ZDHHC14: variants seen among roughly 807,000 people sequenced by gnomAD.
ZDHHC14 encodes palmitoyltransferase ZDHHC14.
Under a neutral mutation model 47.7 loss-of-function variants are expected in ZDHHC14, and 16 were observed. The observed-to-expected ratio is 0.34, with a 90% CI of 0.23 to 0.51. ZDHHC14 has a LOEUF of 0.51. Among genes scored for constraint, ZDHHC14 ranks in the 20% least tolerant of loss-of-function variants. ZDHHC14 has a pLI of 0.97. For synonymous variants in ZDHHC14, 293 were observed against 278.9 expected (o/e 1.05, Z -0.50); for missense variants, 515 against 662.5 (o/e 0.78, Z 2.44).
intron 2 of ZDHHC14, among the ~76,000 whole-genome samples, chr6:157,588,498 G>A (rs1562494258): frequency 6.6e-6 from 1 of 152,134 alleles, no homozygotes; most frequent in Non-Finnish European, 1.5e-5. Context: ...AGACTGCAGG[G>A]AGGGGCATTC....
chr6:157,503,326 T>G (rs1410441073), intron 1 of ZDHHC14, among the ~76,000 whole-genome samples: 1 of 152,174 alleles, frequency 6.6e-6, no homozygotes, highest in African/African-American at 2.4e-5. Flanking sequence ...CACTGCTGCT[T>G]GTGAGAGGAA....
intron 1 of ZDHHC14, among the ~76,000 whole-genome samples, chr6:157,441,861 T>C (rs1205725959): frequency 6.6e-6 from 1 of 152,012 alleles, no homozygotes; most frequent in Non-Finnish European, 1.5e-5. Flanking sequence ...AAAAAATCAA[T>C]ATTCCTTAGT....
chr6:157,648,872 A>G (rs1315024027), intron 7 of ZDHHC14, among the ~76,000 whole-genome samples: 2 of 152,214 alleles, frequency 1.3e-5, no homozygotes, highest in Non-Finnish European at 2.9e-5. Flanking sequence ...AGTAAGAGCC[A>G]GGGAGAGCTG....
At chr6:157,387,107 C>T (rs1171751225) in intron 1 of ZDHHC14, among the ~76,000 whole-genome samples, 1 of 152,100 alleles carries the variant, frequency 6.6e-6, no homozygotes, top group African/African-American at 2.4e-5. Context: ...CACTTGAAAA[C>T]GTGGGGACAT....
chr6:157,545,242 T>TG (rs36001071), intron 2 of ZDHHC14, among the ~76,000 whole-genome samples: 63,403 of 151,846 alleles, frequency 0.42, 13,303 homozygotes, highest in Admixed American at 0.46. Flanking sequence ...GGGAGCTTGT[T>TG]GGGATTATGA....
chr6:157,540,910 G>GTGTGTGTGTATATA (rs1284429244), intron 1 of ZDHHC14, among the ~76,000 whole-genome samples: 1 of 122,980 alleles, frequency 8.1e-6, no homozygotes, highest in African/African-American at 4.3e-5. Context: ...GTGTGTGTGT[G>GTGTGTGTGTATATA]TATATATATA....
rs555155857 is a variant in ZDHHC14 at position 157,593,174 on chromosome 6, G to C, written c.565+28G>C. On this transcript the variant is annotated intron_variant, in intron 3 of 8. Coordinates refer to ENST00000359775, the MANE Select transcript of ZDHHC14 (RefSeq NM_024630.3). ...GAGTAGTGCCTGGGCGGAGCCTGGC[G>C]GGAGCCCGGGTCCTCCGGGTGGGTT... The C allele has an allele frequency of 3.1e-6, 5 of 1,589,944 alleles. 1 individual carries two copies. The highest frequency in any genetic ancestry group is 1.7e-4 in the Middle Eastern group (1 of 5,866).
At chr6:157,551,005 G>T (rs947748934) in intron 2 of ZDHHC14, among the ~76,000 whole-genome samples, 2 of 152,210 alleles carry the variant, frequency 1.3e-5, no homozygotes, top group African/African-American at 4.8e-5. Context: ...CACAGAGGTT[G>T]TGGTGTAGTG....
At chr6:157,568,259 A>T (rs191035464) in intron 2 of ZDHHC14, among the ~76,000 whole-genome samples, 80 of 152,356 alleles carry the variant, frequency 5.3e-4, no homozygotes, top group African/African-American at 1.9e-3. Flanking sequence ...TATGTCCATT[A>T]TAGAATCCTT....
chr6:157,531,368 G>A (rs1434559936), intron 1 of ZDHHC14, among the ~76,000 whole-genome samples: 2 of 152,008 alleles, frequency 1.3e-5, no homozygotes, highest in Non-Finnish European at 1.5e-5. Flanking sequence ...TCGGTGCACC[G>A]TCCGAAGGAG....
intron 4 of ZDHHC14, among the ~76,000 whole-genome samples, chr6:157,628,758 A>G (rs929853111): frequency 2.6e-5 from 4 of 151,286 alleles, no homozygotes; most frequent in African/African-American, 9.7e-5. Flanking sequence ...ACCAAACAAT[A>G]CCTCCTCCTT....
intron 2 of ZDHHC14, among the ~76,000 whole-genome samples, chr6:157,577,089 C>T (rs1330901827): frequency 6.6e-6 from 1 of 152,144 alleles, no homozygotes. Context: ...CATTTAGCTC[C>T]CACTTGTAAG....
At position 157,661,406 on chromosome 6, in the gene ZDHHC14, T is replaced by C. The variant is rs183610236; in HGVS notation, c.1068+7779T>C. 9.6e-4 allele frequency among the ~76,000 whole-genome samples: 147 copies of C among 152,358 alleles called. 2 individuals carry two copies. Among genetic ancestry groups the C allele is most frequent in the Non-Finnish European group, 1.8e-4 (12 of 68,034 alleles). On this transcript the variant is annotated intron_variant, in intron 8 of 8. Transcript: ENST00000359775. ...ATCTTACATGCTGGAAGATTATTTTTTGAAATCAGCATTCATTATATTTTC... is the reference window on the plus strand; with the variant it reads ...ATCTTACATGCTGGAAGATTATTTTCTGAAATCAGCATTCATTATATTTTC...
In ZDHHC14 at chr6:157,674,479, G is replaced by A. The variant is rs1028484829; in HGVS notation, c.*1357G>A. On this transcript the variant is annotated 3_prime_UTR_variant, in exon 9 of 9. Transcript: ENST00000359775. The stretch of plus-strand genomic sequence containing the variant: ...AGGGAACGAACTGGCTCTGGACTTA[G>A]GGAGTGTGTCACTATGGGGGCAGCC... 2.0e-5 allele frequency: 3 copies of A among 152,206 alleles called. No individual in the cohort carries two copies. Among genetic ancestry groups the A allele is most frequent in the African/African-American group, 7.2e-5 (3 of 41,430 alleles). 9.4% of individuals were successfully genotyped at this position (152,206 alleles called of 1,614,324 possible).
intron 1 of ZDHHC14, among the ~76,000 whole-genome samples, chr6:157,458,871 T>TTTTTTTTTTTTTTTTTTTTA (rs1491563247): frequency 8.7e-6 from 1 of 115,226 alleles, no homozygotes. Flanking sequence ...TTTTTTTTTT[T>TTTTTTTTTTTTTTTTTTTTA]GAGACGGAGT....
At chr6:157,392,969 T>C (rs1357956500) in intron 1 of ZDHHC14, among the ~76,000 whole-genome samples, 2 of 152,126 alleles carry the variant, frequency 1.3e-5, no homozygotes, top group Non-Finnish European at 2.9e-5. Flanking sequence ...AACCTCTGCC[T>C]CCCGTGTTCA....
chr6:157,624,370 AAAAG>A (rs1363479946), intron 3 of ZDHHC14, among the ~76,000 whole-genome samples: 1 of 152,226 alleles, frequency 6.6e-6, no homozygotes, highest in Non-Finnish European at 1.5e-5. Context: ...CCTTGACCTG[AAAAG>A]AAAGAATGCT....
In ZDHHC14 at chr6:157,647,294, A is replaced by G; in HGVS notation, c.891A>G (p.Glu297=). The G allele has an allele frequency of 1.7e-5, 27 of 1,614,184 alleles. No homozygotes were observed. The highest frequency in any genetic ancestry group is 2.2e-5 in the Non-Finnish European group (26 of 1,180,016). ...KGSWSNKRGK[E]NYNPYSYGNI... is the part of the protein sequence containing the mutation. The stretch of plus-strand genomic sequence containing the variant: ...CCTGGTCAAATAAAAGAGGTAAAGA[A>G]AATTACAATCCCTACAGCTACGGAA... The change falls in exon 7 of 9, where the codon GAA becomes GAG. Residue 297 remains glutamate (E), a synonymous_variant. Transcript: ENST00000359775.
intron 3 of ZDHHC14, among the ~76,000 whole-genome samples, chr6:157,615,997 C>T (rs1254354078): frequency 2.0e-5 from 3 of 152,196 alleles, no homozygotes; most frequent in East Asian, 3.8e-4. Flanking sequence ...TCAGAGCACT[C>T]GGTTCTGCAG....
Sources: allele counts gnomAD v4.1 joint callset (sites outside exome capture counted in the v4.1 genomes callset), GRCh38; gene constraint gnomAD v4.1.1; transcripts MANE v1.5; gene names NCBI Gene and HGNC (gene_info 2026-07-23, HGNC 2026-07-21).